Variants in METTL16 observed in about 807,000 individuals in gnomAD.
The protein encoded by METTL16 is RNA N(6)-adenosine-methyltransferase METTL16.
In METTL16, 19 loss-of-function variants were observed where a neutral mutation model predicts 57.9. The ratio of observed to expected loss-of-function variants is 0.33; its 90% CI spans 0.23 to 0.48. METTL16 has a LOEUF of 0.48. Among genes scored for constraint, METTL16 ranks in the 20% least tolerant of loss-of-function variants. METTL16 has a pLI of 0.99. For synonymous variants in METTL16, 246 were observed against 255.6 expected (o/e 0.96, Z 0.36); for missense variants, 434 against 691.5 (o/e 0.63, Z 4.18).
intron 3 of METTL16, among the ~76,000 whole-genome samples, chr17:2,476,279 T>C (rs2067268270): frequency 6.6e-6 from 1 of 152,194 alleles, no homozygotes; most frequent in Non-Finnish European, 1.5e-5. Context: ...TCAAGGAAAG[T>C]AATCTGAGTT....
At chr17:2,452,806 A>C (rs1422877129) in intron 6 of METTL16, among the ~76,000 whole-genome samples, 5 of 152,092 alleles carry the variant, frequency 3.3e-5, no homozygotes, top group Non-Finnish European at 7.4e-5. Context: ...ATTAACTGTA[A>C]TATTTTGGCA....
chr17:2,472,141 G>C (rs970239481), intron 4 of METTL16, among the ~76,000 whole-genome samples: 3 of 150,394 alleles, frequency 2.0e-5, no homozygotes, highest in Non-Finnish European at 4.4e-5. Context: ...CAAAAGGCCT[G>C]AACAGACATC....
In METTL16 at chr17:2,487,880, C is replaced by A. The variant is rs536710333; in HGVS notation, c.129-9995G>T. 3.6e-4 allele frequency among the ~76,000 whole-genome samples: 54 copies of A among 152,036 alleles called. 1 individual carries two copies. The highest frequency in any genetic ancestry group is 6.8e-3 in the Middle Eastern group (2 of 294). ...AATTAGCCAGATGTGGTGGCAGACACCTATAATCTTAGCTACTCAGGAGGC... is the reference window on the plus strand; with the variant it reads ...AATTAGCCAGATGTGGTGGCAGACAACTATAATCTTAGCTACTCAGGAGGC... On this transcript the variant is annotated intron_variant, in intron 2 of 9. Coordinates refer to ENST00000263092, the MANE Select transcript of METTL16 (RefSeq NM_024086.4).
chr17:2,469,581 C>T lies in METTL16; in HGVS notation c.470-1705G>A, dbSNP rs566162839. ...TTCTGTAGAACAGGATAGAGTGCAG[C>T]GGCGAGATCTCCACTCAACTGCAAC... On this transcript the variant is annotated intron_variant, in intron 4 of 9. Transcript: ENST00000263092. Among the ~76,000 whole-genome samples, 9 of 152,052 alleles carry T rather than the reference C, an allele frequency of 5.9e-5. No individual in the cohort carries two copies. In the South Asian group the frequency reaches 1.2e-3, roughly 21 times the overall value.
intron 2 of METTL16, among the ~76,000 whole-genome samples, chr17:2,480,219 A>G (rs1214776142): frequency 6.6e-6 from 1 of 151,904 alleles, no homozygotes; most frequent in Non-Finnish European, 1.5e-5. Flanking sequence ...AAAAGAAAAA[A>G]CATACCTTTC....
chr17:2,426,438 G>A (rs2066818945), intron 8 of METTL16, among the ~76,000 whole-genome samples: 1 of 152,018 alleles, frequency 6.6e-6, no homozygotes, highest in African/African-American at 2.4e-5. Flanking sequence ...ACAGTAAAAA[G>A]TAAAAATAGC....
chr17:2,419,379 GGA>G lies in METTL16; in HGVS notation c.*589_*590del. Reference sequence around the variant, plus strand: ...GCAACATCAAAACAGCCAGGTGTCAGGAATGTGCCATTTACCGGGTGGTCCCC... The same window carrying G: ...GCAACATCAAAACAGCCAGGTGTCAGATGTGCCATTTACCGGGTGGTCCCC... On this transcript the variant is annotated 3_prime_UTR_variant, in exon 10 of 10. Transcript: ENST00000263092. The G allele has an allele frequency of 3.6e-6, 1 of 278,382 alleles. No homozygotes were observed. 17.2% of individuals were successfully genotyped at this position (278,382 alleles called of 1,614,324 possible). A position where few individuals can be genotyped will look rare whatever the true frequency, so the allele number is the denominator to read the frequency against.
At chr17:2,471,577 C>A (rs145431640) in intron 4 of METTL16, among the ~76,000 whole-genome samples, 2,108 of 152,178 alleles carry the variant, frequency 0.014, 49 homozygotes, top group African/African-American at 0.047. Flanking sequence ...ATCACGAGGT[C>A]AGGAGATCGA....
At chr17:2,423,100 A>G (rs2066779799) in intron 8 of METTL16, among the ~76,000 whole-genome samples, 2 of 152,184 alleles carry the variant, frequency 1.3e-5, no homozygotes, top group Admixed American at 1.3e-4. Context: ...ACCTGGCCAC[A>G]CTGACAGCGC....
At chr17:2,454,714 G>A (rs555704833) in intron 6 of METTL16, among the ~76,000 whole-genome samples, 20 of 150,868 alleles carry the variant, frequency 1.3e-4, no homozygotes, top group East Asian at 5.9e-4. Flanking sequence ...ACAGGCACCC[G>A]CCATCATGCC....
intron 8 of METTL16, among the ~76,000 whole-genome samples, chr17:2,428,169 G>C (rs1234817440): frequency 6.6e-6 from 1 of 151,840 alleles, no homozygotes; most frequent in African/African-American, 2.4e-5. Flanking sequence ...TGACTAACCT[G>C]GTACCATCCC....
In METTL16 at chr17:2,418,153, T is replaced by A. The variant is rs2066734334; in HGVS notation, c.*1817A>T. 1 of 151,474 alleles carries A rather than the reference T, an allele frequency of 6.6e-6. No individual in the cohort carries two copies. The highest frequency in any genetic ancestry group is 2.4e-5 in the African/African-American group (1 of 41,202). 9.4% of individuals were successfully genotyped at this position (151,474 alleles called of 1,614,324 possible). On this transcript the variant is annotated 3_prime_UTR_variant, in exon 10 of 10. Transcript: ENST00000263092. ...CCTTAGTGGGTTATTGACCCCTTTG[T>A]CTGTGTCTGAGGGTTCTGGGAACCC...
Position 2,430,635 on chromosome 17 carries a change from G to A in METTL16, c.888+7474C>T, listed in dbSNP as rs527905280. On this transcript the variant is annotated intron_variant, in intron 8 of 9. Coordinates refer to ENST00000263092, the MANE Select transcript of METTL16 (RefSeq NM_024086.4). ...GGGTTTCACTGTGTTAGCCAGGATGGTCTCGATCTCCTGACCTCGCGATCC... is the reference window on the plus strand; with the variant it reads ...GGGTTTCACTGTGTTAGCCAGGATGATCTCGATCTCCTGACCTCGCGATCC... Among the ~76,000 whole-genome samples, 33 of 151,900 alleles carry A rather than the reference G, an allele frequency of 2.2e-4. No homozygotes were observed. The South Asian group carries it at 3.9e-3, about 18-fold the overall frequency.
At chr17:2,430,022 C>T (rs1267350902) in intron 8 of METTL16, among the ~76,000 whole-genome samples, 1 of 151,274 alleles carries the variant, frequency 6.6e-6, no homozygotes, top group African/African-American at 2.4e-5. Context: ...CCATGTTGGC[C>T]AGGCTAGTCT....
At chr17:2,448,828 A>G (rs1292513743) in intron 6 of METTL16, among the ~76,000 whole-genome samples, 1 of 128,606 alleles carries the variant, frequency 7.8e-6, no homozygotes, top group Non-Finnish European at 1.7e-5. Context: ...AAAAAAAAAG[A>G]GCATCCTGGC....
At chr17:2,493,335 C>T (rs527499606) in intron 2 of METTL16, among the ~76,000 whole-genome samples, 94 of 151,526 alleles carry the variant, frequency 6.2e-4, no homozygotes, top group African/African-American at 2.2e-3. Context: ...ATGATCCGCC[C>T]GCCTTGGCCT....
At chr17:2,492,436 T>C (rs991122958) in intron 2 of METTL16, among the ~76,000 whole-genome samples, 1 of 152,126 alleles carries the variant, frequency 6.6e-6, no homozygotes, top group African/African-American at 2.4e-5. Flanking sequence ...GCCACCTTAC[T>C]TATACCAGGC....
chr17:2,419,833 A>C lies in METTL16; in HGVS notation c.*137T>G. ...AAGGAGGCGGGGGGAGGTGGGGGACAGATTCATAGGTTTTTGTTTTCGAAG... is the reference window on the plus strand; with the variant it reads ...AAGGAGGCGGGGGGAGGTGGGGGACCGATTCATAGGTTTTTGTTTTCGAAG... On this transcript the variant is annotated 3_prime_UTR_variant, in exon 10 of 10. Transcript: ENST00000263092. 9.6e-7 allele frequency: 1 copy of C among 1,044,696 alleles called. No individual in the cohort carries two copies. The highest frequency in any genetic ancestry group is 1.4e-6 in the Non-Finnish European group (1 of 696,502). 64.7% of individuals were successfully genotyped at this position (1,044,696 alleles called of 1,614,324 possible). A position where few individuals can be genotyped will look rare whatever the true frequency, so the allele number is the denominator to read the frequency against.
intron 5 of METTL16, among the ~76,000 whole-genome samples, 192 bp from the exon 6 acceptor site, chr17:2,464,542 C>T (rs1046128827): frequency 6.6e-6 from 1 of 152,190 alleles, no homozygotes; most frequent in African/African-American, 2.4e-5. Flanking sequence ...ACTATTTCTT[C>T]CCAGGTCTTT....
Sources: allele counts gnomAD v4.1 joint callset (sites outside exome capture counted in the v4.1 genomes callset), GRCh38; gene constraint gnomAD v4.1.1; transcripts MANE v1.5; gene names NCBI Gene and HGNC (gene_info 2026-07-23, HGNC 2026-07-21).